The following TTC6 variants were observed in gnomAD, a reference collection of about 807,000 sequenced individuals.
The protein encoded by TTC6 is tetratricopeptide repeat domain 6.
In TTC6, 172 loss-of-function variants were observed where a neutral mutation model predicts 210.4. That is an observed-to-expected ratio of 0.82 (90% CI 0.72 to 0.93). The LOEUF (loss-of-function observed/expected upper bound fraction) is 0.93, where lower values mean the gene tolerates loss of function less well. Ranked by LOEUF, TTC6 falls within the 40% of genes least tolerant of loss-of-function variation. The pLI, the probability that TTC6 is intolerant of heterozygous loss-of-function variation, is 0.00. For synonymous variants in TTC6, 804 were observed against 819.6 expected, an observed-to-expected ratio of 0.98 and a Z score of 0.32; for missense variants, 2,414 against 2,318.1, an observed-to-expected ratio of 1.04 and a Z score of -0.85.
At chr14:37,693,341 T>C in intron 3 of TTC6, among the ~76,000 whole-genome samples, 1 of 152,050 alleles carries the variant, frequency 6.6e-6, no homozygotes, top group Admixed American at 6.6e-5. Context: ...TAATAAAAAC[T>C]ATAAAACACT....
At position 37,696,851 on chromosome 14, in the gene TTC6, T is replaced by A; in HGVS notation, c.1376+16T>A. On this transcript the variant is annotated intron_variant, in intron 4 of 30. Coordinates refer to ENST00000553443, the Ensembl canonical transcript of TTC6. ...TACATAAAAAGTAATTTTCTTAAAT[T>A]TATAATTTTTCTATTGGGAGAGGAG... 1 of 1,186,726 alleles carries A rather than the reference T, an allele frequency of 8.4e-7. No individual in the cohort carries two copies. The highest frequency in any genetic ancestry group is 2.2e-5 in the South Asian group (1 of 44,734). The allele number at this position is 1,186,726 out of a possible 1,614,324, so 73.5% of individuals were successfully genotyped here. A position where few individuals can be genotyped will look rare whatever the true frequency, so the allele number is the denominator to read the frequency against.
intron 1 of TTC6, among the ~76,000 whole-genome samples, chr14:37,661,778 C>T (rs1229736494): frequency 2.6e-5 from 4 of 152,252 alleles, no homozygotes; most frequent in East Asian, 1.9e-4. Context: ...ACCATTTTCA[C>T]GATATTGATT....
At chr14:37,741,580 G>A (rs142186177) in intron 10 of TTC6, among the ~76,000 whole-genome samples, 8 of 152,222 alleles carry the variant, frequency 5.3e-5, no homozygotes, top group South Asian at 2.1e-4. Context: ...ATGAGGCACC[G>A]CGCCTGGCCT....
At chr14:37,783,328 G>A (rs1028947585) in intron 14 of TTC6, among the ~76,000 whole-genome samples, 1 of 152,072 alleles carries the variant, frequency 6.6e-6, no homozygotes, top group African/African-American at 2.4e-5. Context: ...GGTCTATTCA[G>A]GGATTCAATT....
chr14:37,823,947 A>C, exon 27 of TTC6: 1 of 1,613,648 alleles, frequency 6.2e-7, no homozygotes, highest in Non-Finnish European at 8.5e-7. Context: ...AGTTTTGGCT[A>C]TAATTTGCAG....
intron 14 of TTC6, among the ~76,000 whole-genome samples, chr14:37,785,006 G>A (rs181294499): frequency 2.6e-5 from 4 of 152,264 alleles, no homozygotes; most frequent in African/African-American, 9.6e-5. Context: ...TAATCTGATG[G>A]GCTTCCCTTT....
At chr14:37,837,385 A>C (rs1004565242) in intron 29 of TTC6, 14 of 454,986 alleles carry the variant, frequency 3.1e-5, no homozygotes, top group Middle Eastern at 3.2e-4. Context: ...TGGGGGTGCA[A>C]CCTTCTCTTC....
At chr14:37,753,523 T>C (rs1202557134) in intron 14 of TTC6, among the ~76,000 whole-genome samples, 1 of 152,196 alleles carries the variant, frequency 6.6e-6, no homozygotes, top group East Asian at 1.9e-4. Context: ...ATATCCTTTG[T>C]ACTTTGAGCA....
At chr14:37,679,989 C>T (rs2095779632) in intron 1 of TTC6, among the ~76,000 whole-genome samples, 162 bp from the exon 4 acceptor site, 1 of 151,956 alleles carries the variant, frequency 6.6e-6, no homozygotes. Context: ...CACACCCTGA[C>T]TTTATTGTTT....
chr14:37,710,245 G>A (rs534135450), intron 5 of TTC6, among the ~76,000 whole-genome samples: 1 of 152,216 alleles, frequency 6.6e-6, no homozygotes, highest in Admixed American at 6.5e-5. Flanking sequence ...CCTCTCTGTT[G>A]GGGTCATACC....
chr14:37,647,761 TAA>T lies in TTC6; in HGVS notation c.939+24759_939+24760del, dbSNP rs534386635. Among the ~76,000 whole-genome samples, 10 of 152,024 alleles carry T rather than the reference TAA, an allele frequency of 6.6e-5. No homozygotes were observed. The South Asian group carries it at 2.1e-3, about 32-fold the overall frequency. The stretch of plus-strand genomic sequence containing the variant: ...AAACTGGAAGAGATGACCCGGGGGA[TAA>T]GTGTAGCTAGAAAGCAAAAGAGACC... On this transcript the variant is annotated intron_variant, in intron 1 of 30. Coordinates refer to ENST00000553443, the Ensembl canonical transcript of TTC6.
At chr14:37,749,886 C>G in intron 12 of TTC6, 43 bp downstream of exon 14, 24 of 1,238,212 alleles carry the variant, frequency 1.9e-5, no homozygotes, top group Non-Finnish European at 2.5e-5. Flanking sequence ...ACATTTTGAC[C>G]TCAGCCTTTG....
intron 1 of TTC6, among the ~76,000 whole-genome samples, chr14:37,643,922 T>G (rs2095696950): frequency 6.6e-6 from 1 of 152,238 alleles, no homozygotes; most frequent in Admixed American, 6.5e-5. Context: ...AATCAATTAT[T>G]ACTCTGGAAA....
intron 14 of TTC6, among the ~76,000 whole-genome samples, chr14:37,768,075 T>C (rs2139154419): frequency 6.6e-6 from 1 of 151,244 alleles, no homozygotes; most frequent in African/African-American, 2.4e-5. Flanking sequence ...CCCCATTGCT[T>C]GTTTTTCTCA....
chr14:37,657,131 GA>G (rs1258555127), intron 1 of TTC6, among the ~76,000 whole-genome samples: 1 of 143,590 alleles, frequency 7.0e-6, no homozygotes, highest in Admixed American at 7.3e-5. Flanking sequence ...AGAACCGCTT[GA>G]ATCCGGGAGG....
At position 37,842,146 on chromosome 14, in the gene TTC6, C is replaced by A; in HGVS notation, c.5525-9C>A. On this transcript the variant is annotated splice_polypyrimidine_tract_variant and intron_variant, in intron 30 of 30. Transcript: ENST00000553443. ...ACTTAAATATATCTTGATTTTTTTTCTTTTGCAGCCCTGTCTTTGAAGCCT... is the reference window on the plus strand; with the variant it reads ...ACTTAAATATATCTTGATTTTTTTTATTTTGCAGCCCTGTCTTTGAAGCCT... 1.3e-6 allele frequency: 2 copies of A among 1,487,934 alleles called. No homozygotes were observed. Among genetic ancestry groups the A allele is most frequent in the South Asian group, 1.5e-5 (1 of 68,808 alleles). 92.2% of individuals were successfully genotyped at this position (1,487,934 alleles called of 1,614,324 possible).
chr14:37,835,423 C>T (rs1282899550), intron 29 of TTC6, among the ~76,000 whole-genome samples: 1 of 151,854 alleles, frequency 6.6e-6, no homozygotes, highest in Non-Finnish European at 1.5e-5. Flanking sequence ...ATGAGAGTGT[C>T]AGGGATAATT....
intron 1 of TTC6, among the ~76,000 whole-genome samples, chr14:37,664,447 A>G (rs941621196): frequency 6.6e-6 from 1 of 150,736 alleles, no homozygotes; most frequent in Admixed American, 6.6e-5. Flanking sequence ...GTGGTTATCC[A>G]TATGTAGAAA....
rs534762662 is a variant in TTC6, at chr14:37,738,632, T to G, written c.1984-144T>G. On this transcript the variant is annotated intron_variant, in intron 9 of 30. Transcript: ENST00000553443. The stretch of plus-strand genomic sequence containing the variant: ...TTAACTTTATCAGCTGACTTTTGAA[T>G]AATTTTAAGAATACTGATTTTTAAA... 1.4e-4 allele frequency: 103 copies of G among 728,318 alleles called. 1 individual carries two copies. The South Asian group carries it at 3.0e-3, about 21-fold the overall frequency. The allele number at this position is 728,318 out of a possible 1,614,324, so 45.1% of individuals were successfully genotyped here.
Sources: gnomAD v4.1 joint callset for allele counts (sites outside exome capture counted in the v4.1 genomes callset) on GRCh38, gnomAD v4.1.1 for gene constraint, MANE v1.5 for transcripts, NCBI Gene and HGNC (gene_info 2026-07-23, HGNC 2026-07-21) for gene names.